PIK3CA: variants seen among roughly 807,000 people sequenced by gnomAD.
PIK3CA encodes phosphatidylinositol-4,5-bisphosphate 3-kinase catalytic subunit alpha, also known as phosphatidylinositol 4,5-bisphosphate 3-kinase catalytic subunit alpha isoform.
Under a neutral mutation model 138.2 loss-of-function variants are expected in PIK3CA, and 27 were observed. The observed-to-expected ratio is 0.20, with a 90% confidence interval of 0.14 to 0.27. The LOEUF (loss-of-function observed/expected upper bound fraction) is 0.27. PIK3CA is among the 10% of genes least tolerant of loss of function. The pLI, the probability that PIK3CA is intolerant of heterozygous loss-of-function variation, is 1.00. For synonymous variants in PIK3CA, 358 were observed against 413.2 expected (o/e 0.87, Z 1.62); for missense variants, 544 against 1,277.4 (o/e 0.43, Z 8.75).
intron 17 of PIK3CA, among the ~76,000 whole-genome samples, chr3:179,227,878 C>T (rs1441666056): frequency 6.6e-6 from 1 of 151,890 alleles, no homozygotes; most frequent in Non-Finnish European, 1.5e-5. Context: ...ATGAGAGGTA[C>T]CCTAAAAAGC....
At chr3:179,152,676 G>A (rs1723042702) in intron 1 of PIK3CA, among the ~76,000 whole-genome samples, 1 of 152,104 alleles carries the variant, frequency 6.6e-6, no homozygotes, top group African/African-American at 2.4e-5. Flanking sequence ...TAGATCTCAT[G>A]AGTGGACTTA....
At chr3:179,187,556 A>G (rs555878004) in intron 1 of PIK3CA, among the ~76,000 whole-genome samples, 107 of 150,412 alleles carry the variant, frequency 7.1e-4, no homozygotes, top group South Asian at 2.1e-3. Flanking sequence ...AAAAAAAAAA[A>G]AGAGAGAAAC....
chr3:179,207,913 G>T (rs971253052), intron 6 of PIK3CA, among the ~76,000 whole-genome samples: 1 of 152,040 alleles, frequency 6.6e-6, no homozygotes, highest in South Asian at 2.1e-4. Flanking sequence ...GGTAGTATGC[G>T]CCTGAAATCC....
Position 179,199,164 on chromosome 3 carries a change from C to G in PIK3CA, c.339C>G (p.Leu113=), listed in dbSNP as rs779052263. 1 of 1,572,958 alleles carries G rather than the reference C, an allele frequency of 6.4e-7. No homozygotes were observed. Among genetic ancestry groups the G allele is most frequent in the East Asian group, 2.2e-5 (1 of 44,732 alleles). ...EPVGNREEKI[L]NREIGFAIGM... is the part of the protein sequence containing the mutation. ...TAGGCAACCGTGAAGAAAAGATCCT[C>G]AATCGAGAAATTGGTATGATACAAT... The change falls in exon 2 of 21, where the codon CTC becomes CTG. Residue 113 remains leucine, a synonymous_variant. Coordinates refer to ENST00000263967, the MANE Select transcript of PIK3CA (RefSeq NM_006218.4).
At position 179,234,010 on chromosome 3, in the gene PIK3CA, C is replaced by CT; in HGVS notation, c.2937-83dup. On this transcript the variant is annotated intron_variant, in intron 20 of 20. Transcript: ENST00000263967. This position sits in a 1 kb window ranked among gnomAD's most constrained non-coding sequence, Gnocchi z 5.1. ...TATAGCTTTGTCTACGAAAGCCTCT[C>CT]TAATTTTGTGACATTTGAGCAAAGA... is the stretch of plus-strand genomic sequence containing the variant. 1 of 935,970 alleles carries CT rather than the reference C, an allele frequency of 1.1e-6. No individual in the cohort carries two copies. Among genetic ancestry groups the CT allele is most frequent in the Non-Finnish European group, 1.6e-6 (1 of 621,888 alleles). The allele number at this position is 935,970 out of a possible 1,614,324, so 58.0% of individuals were successfully genotyped here. A position where few individuals can be genotyped will look rare whatever the true frequency, so the allele number is the denominator to read the frequency against.
chr3:179,190,949 C>G (rs1560134388), intron 1 of PIK3CA, among the ~76,000 whole-genome samples: 1 of 152,168 alleles, frequency 6.6e-6, no homozygotes, highest in East Asian at 1.9e-4. Context: ...GATAAAGTCT[C>G]TCAGATAGTA....
intron 18 of PIK3CA, 65 bp downstream of exon 18, chr3:179,229,507 TTG>T: frequency 8.1e-7 from 1 of 1,228,764 alleles, no homozygotes; most frequent in Non-Finnish European, 1.1e-6. Context: ...CTGTCGGTGT[TTG>T]TGTATTCCTC....
chr3:179,208,824 A>G (rs893248838), intron 6 of PIK3CA, among the ~76,000 whole-genome samples: 9 of 151,658 alleles, frequency 5.9e-5, no homozygotes, highest in Admixed American at 4.6e-4. Flanking sequence ...CAAATACTTT[A>G]TGTATCCATC....
At position 179,199,014 on chromosome 3, in the gene PIK3CA, A is replaced by G; in HGVS notation, c.189A>G (p.Gln63=). The G allele has an allele frequency of 1.9e-6, 3 of 1,613,572 alleles. No homozygotes were observed. Among genetic ancestry groups the G allele is most frequent in the Non-Finnish European group, 2.5e-6 (3 of 1,179,826 alleles). The change falls in exon 2 of 21, where the codon CAA becomes CAG. Residue 63 remains glutamine (Q), a synonymous_variant. Coordinates refer to ENST00000263967, the MANE Select transcript of PIK3CA (RefSeq NM_006218.4). ...ARKYPLHQLL[Q]DESSYIFVSV... is the part of the protein sequence containing the mutation. The stretch of plus-strand genomic sequence containing the variant: ...AATACCCCCTCCATCAACTTCTTCA[A>G]GATGAATCTTCTTACATTTTCGTAA...
In PIK3CA at chr3:179,221,052, A is replaced by C; in HGVS notation, c.2082A>C (p.Ala694=). 1.2e-6 allele frequency: 2 copies of C among 1,613,012 alleles called. No homozygotes were observed. Among genetic ancestry groups the C allele is most frequent in the South Asian group, 2.2e-5 (2 of 91,068 alleles). Residue 694 remains alanine (A), a synonymous_variant, in exon 14 of 21, where the codon GCA becomes GCC. Transcript: ENST00000263967. ...FGLLLESYCR[A]CGMYLKHLNR... is the part of the protein sequence containing the mutation. ...TGCTTTTGGAGTCCTATTGTCGTGC[A>C]TGTGGGATGTATTTGAAGCACCTGA...
chr3:179,190,877 T>C (rs975819331), intron 1 of PIK3CA, among the ~76,000 whole-genome samples: 1 of 152,208 alleles, frequency 6.6e-6, no homozygotes, highest in African/African-American at 2.4e-5. Flanking sequence ...AAATATGGGC[T>C]TAAGGCTCCT....
chr3:179,206,086 C>CTTTTTTT (rs751353057), intron 6 of PIK3CA, among the ~76,000 whole-genome samples: 12 of 105,174 alleles, frequency 1.1e-4, no homozygotes, highest in Admixed American at 2.0e-4. Flanking sequence ...ACTTCAGGAT[C>CTTTTTTT]TTTTTTTTTT....
chr3:179,219,134 A>T lies in PIK3CA; in HGVS notation c.1665-62A>T. On this transcript the variant is annotated intron_variant, in intron 10 of 20. Coordinates refer to ENST00000263967, the MANE Select transcript of PIK3CA (RefSeq NM_006218.4). This position sits in a 1 kb window ranked among gnomAD's most constrained non-coding sequence, Gnocchi z 4.2. The stretch of plus-strand genomic sequence containing the variant: ...AAGAAGATTCATATGGAGAAGTTAG[A>T]CATGTCAACCTTTTGAACAGCATGC... 1.0e-6 allele frequency: 1 copy of T among 953,340 alleles called. No individual in the cohort carries two copies. The highest frequency in any genetic ancestry group is 1.7e-6 in the Non-Finnish European group (1 of 598,036). The allele number at this position is 953,340 out of a possible 1,614,324, so 59.1% of individuals were successfully genotyped here.
At chr3:179,152,259 C>T (rs1210584656) in intron 1 of PIK3CA, among the ~76,000 whole-genome samples, 3 of 151,984 alleles carry the variant, frequency 2.0e-5, no homozygotes, top group Non-Finnish European at 2.9e-5. Context: ...TACACACACA[C>T]GCAAAAAATG....
intron 16 of PIK3CA, 31 bp from the exon 17 acceptor site, chr3:179,225,931 T>C (rs1725071677): frequency 1.7e-6 from 2 of 1,164,790 alleles, no homozygotes; most frequent in African/African-American, 1.5e-5. Flanking sequence ...TCTGTGGCAT[T>C]AAATGGTGAT....
chr3:179,165,962 C>T (rs949560987), intron 1 of PIK3CA, among the ~76,000 whole-genome samples: 2 of 152,184 alleles, frequency 1.3e-5, no homozygotes, highest in Non-Finnish European at 2.9e-5. Context: ...TTCTGTATTT[C>T]CATAGCCTCT....
In PIK3CA at chr3:179,238,212, G is replaced by T. The variant is rs763213605; in HGVS notation, c.*3848G>T. The T allele has an allele frequency of 1.4e-5, 3 of 221,464 alleles. No individual in the cohort carries two copies. The highest frequency in any genetic ancestry group is 2.7e-5 in the Non-Finnish European group (3 of 110,646). The allele number at this position is 221,464 out of a possible 1,614,324, so 13.7% of individuals were successfully genotyped here. On this transcript the variant is annotated 3_prime_UTR_variant, in exon 21 of 21. Coordinates refer to ENST00000263967, the MANE Select transcript of PIK3CA (RefSeq NM_006218.4). Reference sequence around the variant, plus strand: ...AGAATCAACTCTTCATCATGGATGGGATTGTGAAGGCTGAACTATAAAATT... The same window carrying T: ...AGAATCAACTCTTCATCATGGATGGTATTGTGAAGGCTGAACTATAAAATT...
chr3:179,189,187 C>T (rs1400846263), intron 1 of PIK3CA, among the ~76,000 whole-genome samples: 1 of 151,978 alleles, frequency 6.6e-6, no homozygotes. Flanking sequence ...GCACTCCAGC[C>T]TGCGTGACAC....
chr3:179,183,262 C>G (rs947976098), intron 1 of PIK3CA, among the ~76,000 whole-genome samples: 1 of 152,100 alleles, frequency 6.6e-6, no homozygotes, highest in Non-Finnish European at 1.5e-5. Flanking sequence ...CCAATTACAT[C>G]AGGATATAAA....
Sources: gnomAD v4.1 joint callset for allele counts (sites outside exome capture counted in the v4.1 genomes callset) on GRCh38, gnomAD v4.1.1 for gene constraint, Gnocchi (gnomAD v3.1) non-coding constraint, MANE v1.5 for transcripts, NCBI Gene and HGNC (gene_info 2026-07-23, HGNC 2026-07-21) for gene names.